The following IQSEC1 variants were observed in gnomAD, a reference collection of about 807,000 sequenced individuals.
The protein encoded by IQSEC1 is IQ motif and SEC7 domain-containing protein 1.
IQSEC1 carries 31 observed loss-of-function variants against 91.0 expected under a neutral mutation model. The observed-to-expected ratio is 0.34, with a 90% confidence interval of 0.26 to 0.46. IQSEC1 has a LOEUF of 0.46. Ranked by LOEUF, IQSEC1 falls within the 20% of genes least tolerant of loss-of-function variation. IQSEC1 has a pLI of 1.00. For missense variants in IQSEC1, 1,388 were observed against 1,575.6 expected, an observed-to-expected ratio of 0.88 and a Z score of 2.02; for synonymous variants, 699 against 662.6, an observed-to-expected ratio of 1.05 and a Z score of -0.84.
chr3:13,130,694 TG>T (rs1476673821), intron 2 of IQSEC1, among the ~76,000 whole-genome samples: 2 of 151,962 alleles, frequency 1.3e-5, no homozygotes, highest in Non-Finnish European at 2.9e-5. Flanking sequence ...CCCAACACTT[TG>T]GGAGGCTGAG....
At chr3:13,154,438 C>CATGCATATATAT (rs1707049601) in intron 2 of IQSEC1, among the ~76,000 whole-genome samples, 1 of 20,746 alleles carries the variant, frequency 4.8e-5, no homozygotes, top group Non-Finnish European at 8.1e-5. Context: ...AACTTACATG[C>CATGCATATATAT]ATATATATAT....
At chr3:13,251,527 G>A (rs1695193792) in intron 1 of IQSEC1, among the ~76,000 whole-genome samples, 1 of 152,116 alleles carries the variant, frequency 6.6e-6, no homozygotes, top group Admixed American at 6.5e-5. Context: ...TGCAATTCCC[G>A]ACCAGCAAGA....
chr3:12,902,837 C>G lies in IQSEC1; in HGVS notation c.2756-15G>C, dbSNP rs763145711. 28 of 1,607,952 alleles carry G rather than the reference C, an allele frequency of 1.7e-5. No homozygotes were observed. The highest frequency in any genetic ancestry group is 2.3e-5 in the Non-Finnish European group (27 of 1,174,608). On this transcript the variant is annotated splice_polypyrimidine_tract_variant and intron_variant, in intron 12 of 13. Coordinates refer to ENST00000613206, the MANE Select transcript of IQSEC1 (RefSeq NM_001134382.3). Reference sequence around the variant, plus strand: ...CCCTCGCTTCCCTGCCCAGAACATGCAATACCAGAAGTTAGACGCGGACAT... The same window carrying G: ...CCCTCGCTTCCCTGCCCAGAACATGGAATACCAGAAGTTAGACGCGGACAT...
rs1286655220 is a variant in IQSEC1, at chr3:12,992,987, G to A, written c.24-51122C>T. Reference sequence around the variant, plus strand: ...TGGTTTTGTAGCGGGAGGTTGCGGTGGGGGCGGGGGTCCCACACTCTAAGA... The same window carrying A: ...TGGTTTTGTAGCGGGAGGTTGCGGTAGGGGCGGGGGTCCCACACTCTAAGA... On this transcript the variant is annotated intron_variant, in intron 1 of 13. Coordinates refer to ENST00000613206, the MANE Select transcript of IQSEC1 (RefSeq NM_001134382.3). This position sits in a 1 kb window ranked among gnomAD's most constrained non-coding sequence, Gnocchi z 4.1. Among the ~76,000 whole-genome samples the A allele has an allele frequency of 6.6e-6, 1 of 152,132 alleles. No homozygotes were observed. Among genetic ancestry groups the A allele is most frequent in the African/African-American group, 2.4e-5 (1 of 41,418 alleles).
In IQSEC1 at chr3:12,936,032, G is replaced by A. The variant is rs1225159129; in HGVS notation, c.984C>T (p.Asp328=). 6.2e-7 allele frequency: 1 copy of A among 1,602,426 alleles called. No individual in the cohort carries two copies. Among genetic ancestry groups the A allele is most frequent in the Admixed American group, 1.7e-5 (1 of 60,004 alleles). Residue 328 remains aspartate (D), a synonymous_variant, in exon 3 of 14, where the codon GAC becomes GAT. Coordinates refer to ENST00000613206, the MANE Select transcript of IQSEC1 (RefSeq NM_001134382.3). ...LRLRAGGAAP[D]YWALAHKEDK... is the part of the protein sequence containing the mutation. ...CCTCTTTGTGGGCCAGGGCCCAGTAGTCTGGGGCTGCGCCCCCAGCCCGTA... is the reference window on the plus strand; with the variant it reads ...CCTCTTTGTGGGCCAGGGCCCAGTAATCTGGGGCTGCGCCCCCAGCCCGTA...
At chr3:13,255,288 G>C (rs1448413031) in intron 1 of IQSEC1, among the ~76,000 whole-genome samples, 1 of 152,192 alleles carries the variant, frequency 6.6e-6, no homozygotes, top group East Asian at 1.9e-4. Flanking sequence ...GGTTCCTGAG[G>C]ACGGCTCTGC....
chr3:12,968,145 C>T (rs1700728443), intron 1 of IQSEC1, among the ~76,000 whole-genome samples: 2 of 152,242 alleles, frequency 1.3e-5, no homozygotes, highest in South Asian at 4.1e-4. Flanking sequence ...GCCTACTCCG[C>T]TGATGCCTAC....
At chr3:13,004,204 C>T (rs1260619260) in intron 1 of IQSEC1, among the ~76,000 whole-genome samples, 1 of 152,166 alleles carries the variant, frequency 6.6e-6, no homozygotes, top group African/African-American at 2.4e-5. Flanking sequence ...ATGTCTGTTG[C>T]ACCCCAAAGA....
chr3:13,057,165 A>G (rs1704908497), intron 1 of IQSEC1, among the ~76,000 whole-genome samples: 1 of 152,086 alleles, frequency 6.6e-6, no homozygotes, highest in Admixed American at 6.5e-5. Flanking sequence ...GCCTTCCCCA[A>G]GCACCACACT....
At position 13,227,393 on chromosome 3, in the gene IQSEC1, A is replaced by AAAAAAG. The variant is rs1055638536; in HGVS notation, c.272+55317_272+55318insCTTTTT. On this transcript the variant is annotated intron_variant, in intron 1 of 15. Coordinates refer to the IQSEC1 transcript ENST00000648114. ...TCTGTCTCAAAAAAAAAAAAAAAAA[A>AAAAAAG]AAAGAAAGAAAGAAAAGAAAACGAA... 3.5e-3 allele frequency among the ~76,000 whole-genome samples: 496 copies of AAAAAAG among 140,706 alleles called. 8 individuals carry two copies. Among genetic ancestry groups the AAAAAAG allele is most frequent in the Non-Finnish European group, 3.8e-3 (254 of 66,712 alleles). The allele number at this position is 140,706 out of a possible 152,430, so 92.3% of individuals were successfully genotyped here.
At chr3:12,966,741 C>T (rs1700597024) in intron 1 of IQSEC1, among the ~76,000 whole-genome samples, 1 of 152,202 alleles carries the variant, frequency 6.6e-6, no homozygotes, top group Non-Finnish European at 1.5e-5. Flanking sequence ...CCCCAGTGCA[C>T]CCCCAAGTGG....
At chr3:13,274,322 C>A (rs1474850697) in intron 1 of IQSEC1, among the ~76,000 whole-genome samples, 1 of 152,236 alleles carries the variant, frequency 6.6e-6, no homozygotes. Context: ...CTCGCAGGGC[C>A]AGCACTCCAC....
intron 1 of IQSEC1, among the ~76,000 whole-genome samples, chr3:13,168,330 G>A (rs1330238007): frequency 1.3e-5 from 2 of 152,118 alleles, no homozygotes; most frequent in Non-Finnish European, 2.9e-5. Flanking sequence ...GGAGGTAATC[G>A]CTATCACATT....
intron 1 of IQSEC1, among the ~76,000 whole-genome samples, chr3:13,275,923 C>T (rs1464499138): frequency 1.3e-5 from 2 of 152,202 alleles, no homozygotes; most frequent in Non-Finnish European, 2.9e-5. Flanking sequence ...TCCAGAACTC[C>T]AAGGACGGAG....
intron 6 of IQSEC1, among the ~76,000 whole-genome samples, chr3:12,918,121 G>C (rs1003719521): frequency 2.6e-5 from 4 of 152,368 alleles, no homozygotes; most frequent in African/African-American, 9.6e-5. Context: ...ACCCTGGGCA[G>C]GTCCCTTCCT....
intron 3 of IQSEC1, among the ~76,000 whole-genome samples, chr3:12,932,972 G>A (rs965171810): frequency 5.9e-5 from 9 of 152,218 alleles, no homozygotes; most frequent in Non-Finnish European, 7.3e-5. Context: ...CTTCCTCCCC[G>A]CTTGCTGCTG....
chr3:13,000,333 T>C (rs1185888463), intron 1 of IQSEC1, among the ~76,000 whole-genome samples: 1 of 152,212 alleles, frequency 6.6e-6, no homozygotes, highest in Non-Finnish European at 1.5e-5. Flanking sequence ...CTTTGTATAT[T>C]AGCTGAAGTC....
chr3:13,115,020 C>G (rs1331649740), intron 2 of IQSEC1, among the ~76,000 whole-genome samples: 4 of 152,044 alleles, frequency 2.6e-5, no homozygotes, highest in Non-Finnish European at 4.4e-5. Flanking sequence ...GTGGGGAGGC[C>G]CTGGAGGTGC....
At chr3:13,095,611 G>T in intron 2 of IQSEC1, among the ~76,000 whole-genome samples, 1 of 152,082 alleles carries the variant, frequency 6.6e-6, no homozygotes, top group Admixed American at 6.5e-5. Flanking sequence ...GCCACTCCAT[G>T]ACACTGGGTG....
Sources: gnomAD v4.1 joint callset for allele counts (sites outside exome capture counted in the v4.1 genomes callset) on GRCh38, gnomAD v4.1.1 for gene constraint, Gnocchi (gnomAD v3.1) non-coding constraint, MANE v1.5 for transcripts, NCBI Gene and HGNC (gene_info 2026-07-23, HGNC 2026-07-21) for gene names.